RAB3C: variants seen among roughly 807,000 people sequenced by gnomAD.
RAB3C encodes ras-related protein Rab-3C.
A neutral mutation model predicts 26.4 loss-of-function variants in RAB3C; 17 were observed. That is an observed-to-expected ratio of 0.64 (90% CI 0.44 to 0.97). The LOEUF is 0.97. Among genes scored for constraint, RAB3C ranks in the 50% least tolerant of loss-of-function variants. RAB3C has a pLI of 0.00. For missense variants in RAB3C, 242 were observed against 281.9 expected (o/e 0.86, Z 1.01); for synonymous variants, 91 against 95.9 (o/e 0.95, Z 0.30).
At chr5:58,643,262 A>T (rs1205694301) in intron 2 of RAB3C, among the ~76,000 whole-genome samples, 1 of 152,226 alleles carries the variant, frequency 6.6e-6, no homozygotes, top group African/African-American at 2.4e-5. Context: ...AGCTGAAAGA[A>T]CATTGTCCTT....
intron 2 of RAB3C, among the ~76,000 whole-genome samples, chr5:58,705,657 C>T (rs773495338): frequency 6.6e-6 from 1 of 151,882 alleles, no homozygotes; most frequent in African/African-American, 2.4e-5. Flanking sequence ...TAGATGATGC[C>T]CACATTTTTT....
chr5:58,669,450 T>G (rs1483327990), intron 2 of RAB3C, among the ~76,000 whole-genome samples: 1 of 152,086 alleles, frequency 6.6e-6, no homozygotes, highest in Non-Finnish European at 1.5e-5. Flanking sequence ...GGGCTAAGCT[T>G]ACATCCAACC....
chr5:58,840,808 G>C (rs1579948289), intron 4 of RAB3C, among the ~76,000 whole-genome samples: 1 of 152,072 alleles, frequency 6.6e-6, no homozygotes, highest in East Asian at 1.9e-4. Flanking sequence ...GGGGTTGCTG[G>C]GCTGTTTCTC....
chr5:58,617,646 G>A lies in RAB3C; in HGVS notation c.28G>A (p.Ala10Thr), dbSNP rs1174721218. 1 of 1,611,344 alleles carries A rather than the reference G, an allele frequency of 6.2e-7. No individual in the cohort carries two copies. Among genetic ancestry groups the A allele is most frequent in the Non-Finnish European group, 8.5e-7 (1 of 1,177,730 alleles). The change falls in exon 2 of 5, where the codon GCC (alanine) becomes ACC (threonine). Residue 10 changes from alanine (A) to threonine (T), a missense_variant. Coordinates refer to ENST00000282878, the MANE Select transcript of RAB3C (RefSeq NM_138453.4). MRHEAPMQM[A>T]SAQDARYGQK... is the part of the protein sequence containing the mutation. ...TTTTGTTTTGTTTTTATCACAGATGGCCTCTGCCCAAGATGCCAGGTACGG... is the reference window on the plus strand; with the variant it reads ...TTTTGTTTTGTTTTTATCACAGATGACCTCTGCCCAAGATGCCAGGTACGG...
rs1746914088 is a variant in RAB3C at position 58,620,564 on chromosome 5, A to G, written c.252+2694A>G. On this transcript the variant is annotated intron_variant, in intron 2 of 4. Coordinates refer to ENST00000282878, the MANE Select transcript of RAB3C (RefSeq NM_138453.4). ...AGCTAGCATTTATTGAATACATACCATATGTTAGGCATTATCTTTGCCTTA... is the reference window on the plus strand; with the variant it reads ...AGCTAGCATTTATTGAATACATACCGTATGTTAGGCATTATCTTTGCCTTA... 5.3e-5 allele frequency among the ~76,000 whole-genome samples: 8 copies of G among 152,306 alleles called. No individual in the cohort carries two copies. The South Asian group carries it at 1.7e-3, about 32-fold the overall frequency.
At chr5:58,622,165 A>G (rs1419304963) in intron 2 of RAB3C, among the ~76,000 whole-genome samples, 1 of 152,028 alleles carries the variant, frequency 6.6e-6, no homozygotes, top group Non-Finnish European at 1.5e-5. Flanking sequence ...ACTTCAACTT[A>G]CTCTGGGACA....
intron 1 of RAB3C, among the ~76,000 whole-genome samples, chr5:58,604,568 G>A (rs954552237): frequency 2.0e-5 from 3 of 152,116 alleles, no homozygotes; most frequent in Non-Finnish European, 4.4e-5. Context: ...GAGTCATGGA[G>A]GTTGTCAGGA....
intron 3 of RAB3C, among the ~76,000 whole-genome samples, chr5:58,824,512 TA>T (rs547289846): frequency 5.5e-4 from 84 of 152,320 alleles, no homozygotes; most frequent in South Asian, 3.9e-3. Flanking sequence ...ATTCTTTTTT[TA>T]AAAAATTATT....
intron 4 of RAB3C, among the ~76,000 whole-genome samples, chr5:58,846,068 C>T (rs1417329767): frequency 1.3e-5 from 2 of 152,158 alleles, no homozygotes; most frequent in African/African-American, 4.8e-5. Flanking sequence ...GCTTATTACA[C>T]TTAGCATAAT....
chr5:58,790,908 C>T (rs749708517), intron 3 of RAB3C, among the ~76,000 whole-genome samples: 4 of 152,106 alleles, frequency 2.6e-5, no homozygotes, highest in Non-Finnish European at 4.4e-5. Flanking sequence ...GGTGACAACA[C>T]AGGTCTGTCT....
chr5:58,602,419 G>A (rs1389377832), intron 1 of RAB3C, among the ~76,000 whole-genome samples: 3 of 152,036 alleles, frequency 2.0e-5, no homozygotes, highest in African/African-American at 7.2e-5. Flanking sequence ...TTTCTGTCTT[G>A]ATGACCTGTC....
chr5:58,816,201 A>G (rs1018821317), intron 3 of RAB3C, among the ~76,000 whole-genome samples: 1 of 152,126 alleles, frequency 6.6e-6, no homozygotes, highest in Non-Finnish European at 1.5e-5. Context: ...GTTTGCGCAT[A>G]AGTAGTTTAT....
intron 2 of RAB3C, among the ~76,000 whole-genome samples, chr5:58,708,346 C>A (rs1285303904): frequency 6.6e-6 from 1 of 152,154 alleles, no homozygotes; most frequent in Non-Finnish European, 1.5e-5. Flanking sequence ...GCATTACACC[C>A]TTGCCCATCT....
At chr5:58,653,959 T>G (rs1461507201) in intron 2 of RAB3C, among the ~76,000 whole-genome samples, 1 of 152,206 alleles carries the variant, frequency 6.6e-6, no homozygotes, top group African/African-American at 2.4e-5. Flanking sequence ...GCCTTAAGAA[T>G]ATACAAAGTG....
At chr5:58,693,346 A>ATATATG (rs1439849904) in intron 2 of RAB3C, among the ~76,000 whole-genome samples, 1 of 141,094 alleles carries the variant, frequency 7.1e-6, no homozygotes, top group African/African-American at 2.7e-5. Context: ...GTATATATAT[A>ATATATG]TATATATATA....
At chr5:58,657,311 G>A (rs1238777674) in intron 2 of RAB3C, among the ~76,000 whole-genome samples, 1 of 151,688 alleles carries the variant, frequency 6.6e-6, no homozygotes, top group East Asian at 1.9e-4. Context: ...GGTGATGGGT[G>A]CACCAAAATC....
intron 3 of RAB3C, among the ~76,000 whole-genome samples, chr5:58,795,324 ATATACT>A (rs969540111): frequency 2.4e-4 from 37 of 152,294 alleles, no homozygotes; most frequent in African/African-American, 7.5e-4. Flanking sequence ...GAACGGACTA[ATATACT>A]TATAGAATAC....
At chr5:58,606,226 A>C (rs781328922) in intron 1 of RAB3C, among the ~76,000 whole-genome samples, 153 of 152,340 alleles carry the variant, frequency 1.0e-3, no homozygotes, top group Non-Finnish European at 2.1e-3. Flanking sequence ...TCTTAGCAAC[A>C]GGCAGACCAG....
At chr5:58,833,926 A>T (rs1183644860) in intron 4 of RAB3C, among the ~76,000 whole-genome samples, 1 of 152,222 alleles carries the variant, frequency 6.6e-6, no homozygotes, top group Non-Finnish European at 1.5e-5. Context: ...ACAACATTGC[A>T]TATTGCATAG....
Sources: gnomAD v4.1 joint callset for allele counts (sites outside exome capture counted in the v4.1 genomes callset) on GRCh38, gnomAD v4.1.1 for gene constraint, MANE v1.5 for transcripts, NCBI Gene and HGNC (gene_info 2026-07-23, HGNC 2026-07-21) for gene names.